Variants in KALRN observed in about 807,000 individuals in gnomAD.
KALRN encodes the protein kalirin RhoGEF kinase, also known as kalirin.
Under a neutral mutation model 353.7 loss-of-function variants are expected in KALRN, and 70 were observed. The observed-to-expected ratio is 0.20, with a 90% CI of 0.16 to 0.24. The LOEUF (loss-of-function observed/expected upper bound fraction) is 0.24. Ranked by LOEUF, KALRN falls within the 10% of genes least tolerant of loss-of-function variation. The pLI, the probability that KALRN is intolerant of heterozygous loss-of-function variation, is 1.00. For missense variants in KALRN, 2,791 were observed against 3,756.7 expected (o/e 0.74, Z 6.72); for synonymous variants, 1,391 against 1,434.8 (o/e 0.97, Z 0.69).
At chr3:124,375,582 G>A (rs2086479352) in intron 10 of KALRN, among the ~76,000 whole-genome samples, 1 of 152,148 alleles carries the variant, frequency 6.6e-6, no homozygotes, top group African/African-American at 2.4e-5. Context: ...CTGGAATCTG[G>A]ACTGTATTTT....
intron 8 of KALRN, among the ~76,000 whole-genome samples, chr3:124,331,244 G>A (rs535680314): frequency 1.6e-4 from 25 of 152,254 alleles, no homozygotes; most frequent in African/African-American, 5.1e-4. Context: ...AGAAAATGTG[G>A]TATAAATACA....
chr3:124,190,756 A>G (rs1461581376), intron 1 of KALRN, among the ~76,000 whole-genome samples: 1 of 152,242 alleles, frequency 6.6e-6, no homozygotes, highest in Non-Finnish European at 1.5e-5. Context: ...ACCATGCAAC[A>G]CAGAAAAAGG....
chr3:124,081,207 T>C (rs4677914), intron 1 of KALRN, among the ~76,000 whole-genome samples: 135,235 of 152,210 alleles, frequency 0.89, 60,725 homozygotes, highest in East Asian at 0.99. Context: ...ACGTTGCTCC[T>C]GGGCATCTGT....
At chr3:124,228,144 GT>G in intron 2 of KALRN, 80 bp downstream of exon 2, 2 of 1,135,498 alleles carry the variant, frequency 1.8e-6, no homozygotes, top group Non-Finnish European at 2.7e-6. Context: ...TCACTTGTGT[GT>G]TAGTAGGGGA....
intron 1 of KALRN, among the ~76,000 whole-genome samples, chr3:124,047,556 G>T (rs1287247488): frequency 1.4e-5 from 2 of 146,928 alleles, no homozygotes; most frequent in South Asian, 2.2e-4. Flanking sequence ...GCAGTGGCGC[G>T]ATCTCTGTTC....
intron 34 of KALRN, among the ~76,000 whole-genome samples, chr3:124,580,295 G>A (rs1419397241): frequency 2.0e-5 from 3 of 151,264 alleles, no homozygotes; most frequent in Non-Finnish European, 4.4e-5. Context: ...ACAGACACCT[G>A]GGGAACTTTT....
At chr3:124,266,666 G>A (rs1422395434) in intron 4 of KALRN, among the ~76,000 whole-genome samples, 2 of 152,176 alleles carry the variant, frequency 1.3e-5, no homozygotes, top group Non-Finnish European at 2.9e-5. Context: ...TGCCCTGGGG[G>A]CCAGGAGCGC....
chr3:124,379,729 A>G (rs1189655905), intron 10 of KALRN, among the ~76,000 whole-genome samples: 1 of 152,142 alleles, frequency 6.6e-6, no homozygotes, highest in Admixed American at 6.5e-5. Context: ...ATTCTTTCAG[A>G]TGGTTCTTTC....
At chr3:124,638,335 T>TAA (rs3836300) in intron 37 of KALRN, among the ~76,000 whole-genome samples, 2 of 146,848 alleles carry the variant, frequency 1.4e-5, no homozygotes, top group South Asian at 2.2e-4. Context: ...CCTTTCTAAT[T>TAA]AAAAAAAAAA....
chr3:124,127,108 T>C (rs911692791), intron 1 of KALRN, among the ~76,000 whole-genome samples: 1 of 152,220 alleles, frequency 6.6e-6, no homozygotes, highest in South Asian at 2.1e-4. Context: ...TCACCCTTCA[T>C]AAATTTCAAA....
At chr3:124,190,677 G>T (rs1407348701) in intron 1 of KALRN, among the ~76,000 whole-genome samples, 1 of 152,130 alleles carries the variant, frequency 6.6e-6, no homozygotes, top group Non-Finnish European at 1.5e-5. Flanking sequence ...CATATGTAGG[G>T]GGCTTTAGTT....
chr3:124,340,042 TCAGCAAATACTCTGAGAAGAACACAG>T (rs2081528472), intron 9 of KALRN, among the ~76,000 whole-genome samples: 1 of 152,334 alleles, frequency 6.6e-6, no homozygotes, highest in African/African-American at 2.4e-5. Context: ...ACCCATTTAT[TCAGCAAATACTCTGAGAAGAACACAG>T]CAGCAAATCA....
chr3:124,442,033 C>T lies in KALRN; in HGVS notation c.3287C>T (p.Thr1096Ile). Reference sequence around the variant, plus strand: ...AGCATGCCCAGTGTCGCCAGCCACACTCGGGGACCCGAGCAACAAGTGAAA... The same window carrying T: ...AGCATGCCCAGTGTCGCCAGCCACATTCGGGGACCCGAGCAACAAGTGAAA... The part of the protein sequence containing the change: ...NVSMPSVASH[T>I]RGPEQQVKAI... Residue 1096 changes from threonine to isoleucine, a missense_variant, in exon 19 of 60, where the codon ACT becomes ATT. Thr to Ile is a moderately conservative substitution (Grantham distance 89, BLOSUM62 -1). Coordinates refer to ENST00000682506, the MANE Select transcript of KALRN (RefSeq NM_001388419.1). 1 of 1,604,630 alleles carries T rather than the reference C, an allele frequency of 6.2e-7. No individual in the cohort carries two copies. Among genetic ancestry groups the T allele is most frequent in the Non-Finnish European group, 8.5e-7 (1 of 1,173,304 alleles).
At chr3:124,179,090 A>G (rs2073194959) in intron 1 of KALRN, among the ~76,000 whole-genome samples, 1 of 152,148 alleles carries the variant, frequency 6.6e-6, no homozygotes, top group Non-Finnish European at 1.5e-5. Flanking sequence ...CTGCTGGGTG[A>G]CAGAGCAAAA....
intron 33 of KALRN, among the ~76,000 whole-genome samples, chr3:124,506,100 GGTGAAACA>G (rs2065191440): frequency 6.6e-6 from 1 of 152,202 alleles, no homozygotes; most frequent in Admixed American, 6.5e-5. Flanking sequence ...GATCCTCTAT[GGTGAAACA>G]GTGAGGACGT....
intron 34 of KALRN, among the ~76,000 whole-genome samples, chr3:124,571,883 C>T (rs1002913069): frequency 2.0e-5 from 3 of 151,760 alleles, no homozygotes; most frequent in Non-Finnish European, 2.9e-5. Flanking sequence ...CTGCCTTGGC[C>T]TACCAAAGTG....
intron 51 of KALRN, among the ~76,000 whole-genome samples, chr3:124,682,887 C>T (rs1003661027): frequency 1.3e-5 from 2 of 152,168 alleles, no homozygotes; most frequent in African/African-American, 4.8e-5. Context: ...AACTCCTACT[C>T]CCAGCAGTAC....
intron 33 of KALRN, chr3:124,504,961 T>G: frequency 2.0e-6 from 1 of 499,894 alleles, no homozygotes; most frequent in Non-Finnish European, 4.1e-6. Context: ...GTGAGTACAC[T>G]TGCAGTTCTG....
At chr3:124,114,688 T>C (rs2063308648) in intron 1 of KALRN, among the ~76,000 whole-genome samples, 1 of 152,072 alleles carries the variant, frequency 6.6e-6, no homozygotes, top group African/African-American at 2.4e-5. Flanking sequence ...TGACAATGCT[T>C]TGTGAGCAGG....
Sources: gnomAD v4.1 joint callset for allele counts (sites outside exome capture counted in the v4.1 genomes callset) on GRCh38, gnomAD v4.1.1 for gene constraint, MANE v1.5 for transcripts, NCBI Gene and HGNC (gene_info 2026-07-23, HGNC 2026-07-21) for gene names.